The following CXorf38 variants were observed in gnomAD, a reference collection of about 807,000 sequenced individuals.
The protein encoded by CXorf38 is uncharacterized protein CXorf38.
In CXorf38, 13 loss-of-function variants were observed where a neutral mutation model predicts 27.5. The observed-to-expected ratio is 0.47, with a 90% CI of 0.31 to 0.75. The LOEUF (loss-of-function observed/expected upper bound fraction) is 0.75. Among genes scored for constraint, CXorf38 ranks in the 30% least tolerant of loss-of-function variants. The pLI is 0.05. For missense variants in CXorf38, 240 were observed against 253.2 expected, an observed-to-expected ratio of 0.95 and a Z score of 0.35; for synonymous variants, 100 against 99.8, an observed-to-expected ratio of 1.00 and a Z score of -0.01.
chrX:40,644,845 A>G (rs1928502910), intron 2 of CXorf38, among the ~76,000 whole-genome samples: 1 of 112,003 alleles, frequency 8.9e-6, no homozygotes, highest in South Asian at 3.7e-4. Context: ...AGTAGTCTCC[A>G]GAAACTGAAG....
chrX:40,637,768 G>T (rs1051321342), intron 3 of CXorf38, among the ~76,000 whole-genome samples: 2 of 112,176 alleles, frequency 1.8e-5, no homozygotes, highest in Non-Finnish European at 3.8e-5. Flanking sequence ...TGGCTCCTGG[G>T]CAACAATTCG....
chrX:40,633,297 C>T (rs1308225740), intron 5 of CXorf38, among the ~76,000 whole-genome samples: 1 of 110,706 alleles, frequency 9.0e-6, no homozygotes, highest in Admixed American at 9.6e-5. Flanking sequence ...GACCTCTTCA[C>T]CCACTATTCT....
intron 1 of CXorf38, 74 bp downstream of exon 1, chrX:40,647,225 CGCTCTG>C (rs1230752741): frequency 8.8e-7 from 1 of 1,136,574 alleles, no homozygotes; most frequent in Non-Finnish European, 1.2e-6. Context: ...AGGACACTTG[CGCTCTG>C]GGTCTGGGAC....
chrX:40,630,621 C>T lies in CXorf38; in HGVS notation c.954G>A (p.Lys318=). The part of the protein sequence containing the change: ...QEPGRQTPDR[K]A Reference sequence around the variant, plus strand: ...TCATCTGCCTGAACTCACCTCAGGCCTTCCTGTCAGGTGTTTGTCTCCCAG... The same window carrying T: ...TCATCTGCCTGAACTCACCTCAGGCTTTCCTGTCAGGTGTTTGTCTCCCAG... Residue 318 remains lysine (K), a synonymous_variant, in exon 6 of 7, where the codon AAG becomes AAA. Transcript: ENST00000327877. 1 of 1,208,791 alleles carries T rather than the reference C, an allele frequency of 8.3e-7. No individual in the cohort carries two copies. The highest frequency in any genetic ancestry group is 1.1e-6 in the Non-Finnish European group (1 of 893,957).
rs774103602 is a variant in CXorf38 at position 40,637,238 on chromosome X, T to C, written c.472-82A>G. 9.6e-5 allele frequency: 66 copies of C among 685,604 alleles called. 1 individual carries two copies. In the African/African-American group the frequency reaches 1.1e-3, roughly 11 times the overall value. 56.5% of individuals were successfully genotyped at this position (685,604 alleles called of 1,213,427 possible). ...ATCTTTCACTCCAAAGAAAAAATCA[T>C]AGAGAGGCTTTGTTAATTATAAAAT... On this transcript the variant is annotated intron_variant, in intron 3 of 6. Transcript: ENST00000327877.
At chrX:40,645,099 G>A (rs1315270399) in intron 2 of CXorf38, among the ~76,000 whole-genome samples, 1 of 112,147 alleles carries the variant, frequency 8.9e-6, no homozygotes, top group East Asian at 2.8e-4. Context: ...CAGGAGGACA[G>A]AGGGTGCTGG....
chrX:40,633,323 C>G (rs2146569835), intron 5 of CXorf38, among the ~76,000 whole-genome samples: 1 of 110,613 alleles, frequency 9.0e-6, no homozygotes, highest in South Asian at 3.8e-4. Flanking sequence ...GTCCTCTTCC[C>G]CTAGATACAC....
At chrX:40,631,898 G>A (rs1231163622) in intron 5 of CXorf38, among the ~76,000 whole-genome samples, 1 of 111,521 alleles carries the variant, frequency 9.0e-6, no homozygotes, top group East Asian at 2.8e-4. Flanking sequence ...ACAGGGAGGA[G>A]CTGCAGATGA....
intron 2 of CXorf38, among the ~76,000 whole-genome samples, chrX:40,640,957 A>G (rs1220776949): frequency 9.2e-6 from 1 of 108,600 alleles, no homozygotes; most frequent in African/African-American, 3.4e-5. Flanking sequence ...AAAAAAAAAA[A>G]AAGTCTATTA....
In CXorf38 at chrX:40,638,982, T is replaced by A. The variant is rs192461538; in HGVS notation, c.471+27A>T. On this transcript the variant is annotated intron_variant, in intron 3 of 6. Coordinates refer to ENST00000327877, the MANE Select transcript of CXorf38 (RefSeq NM_144970.3). ...CAGCACAGACCCAACTGACTCAGGG[T>A]ATGCTTTTGAATCTGACAGCTCTTA... The A allele has an allele frequency of 4.0e-3, 4,875 of 1,204,211 alleles. 3 individuals carry two copies. Among genetic ancestry groups the A allele is most frequent in the Non-Finnish European group, 4.9e-3 (4,376 of 891,925 alleles).
chrX:40,637,578 C>G (rs1928133722), intron 3 of CXorf38, among the ~76,000 whole-genome samples: 1 of 112,279 alleles, frequency 8.9e-6, no homozygotes, highest in Admixed American at 9.4e-5. Context: ...CTACTTAACA[C>G]GTGGCTTGTT....
At chrX:40,630,524 G>T in intron 6 of CXorf38, 90 bp downstream of exon 6, 2 of 873,240 alleles carry the variant, frequency 2.3e-6, no homozygotes, top group Non-Finnish European at 1.6e-6. Flanking sequence ...AGATTGTTGT[G>T]TGTTCATGAT....
chrX:40,646,762 T>C (rs1485469116), intron 2 of CXorf38, among the ~76,000 whole-genome samples: 3 of 111,063 alleles, frequency 2.7e-5, no homozygotes, highest in African/African-American at 9.8e-5. Flanking sequence ...TAGAACTCTT[T>C]CCTGTAACTT....
rs967939741 is a variant in CXorf38, at chrX:40,647,387, C to T, written c.134G>A (p.Arg45His). 2.5e-6 allele frequency: 3 copies of T among 1,178,585 alleles called. No homozygotes were observed. Among genetic ancestry groups the T allele is most frequent in the Admixed American group, 2.4e-5 (1 of 42,500 alleles). Residue 45 changes from arginine (R) to histidine (H), a missense_variant, in exon 1 of 7, where the codon CGC becomes CAC. Physicochemically the swap from Arg to His is conservative, Grantham distance 29. Coordinates refer to ENST00000327877, the MANE Select transcript of CXorf38 (RefSeq NM_144970.3). ...GCCGGGGGCTGCGGCGAGTAGGCCG[C>T]GGTGGAAGGAGAGCACCTCGCGGCC... ...FVGREVLSFH[R>H]GLLAAAPGLG...
At chrX:40,645,474 T>C (rs1569273232) in intron 2 of CXorf38, among the ~76,000 whole-genome samples, 1 of 109,676 alleles carries the variant, frequency 9.1e-6, no homozygotes, top group Admixed American at 9.6e-5. Context: ...AAGGGCAGAG[T>C]TTTCTTTCTT....
intron 2 of CXorf38, 79 bp downstream of exon 2, chrX:40,646,928 C>T: frequency 9.2e-7 from 1 of 1,081,490 alleles, no homozygotes; most frequent in Non-Finnish European, 1.2e-6. Context: ...GAGGCCCCGG[C>T]GACCACAAGA....
chrX:40,633,677 T>C (rs1927931471), intron 5 of CXorf38, among the ~76,000 whole-genome samples: 1 of 112,114 alleles, frequency 8.9e-6, no homozygotes, highest in Admixed American at 9.4e-5. Flanking sequence ...CCAATGGCCT[T>C]GAGTACACAC....
rs1325476213 is a variant in CXorf38 at position 40,647,448 on chromosome X, G to A, written c.73C>T (p.Leu25=). The change falls in exon 1 of 7, where the codon CTG becomes TTG. Residue 25 remains leucine (L), a synonymous_variant. Transcript: ENST00000327877. ...YKNWVKAGHC[L]LLLRSCLQGF... Reference sequence around the variant, plus strand: ...TGCAGGCAGCTGCGCAGCAGTAACAGGCAGTGGCCCGCCTTCACCCAGTTC... The same window carrying A: ...TGCAGGCAGCTGCGCAGCAGTAACAAGCAGTGGCCCGCCTTCACCCAGTTC... 7 of 1,195,056 alleles carry A rather than the reference G, an allele frequency of 5.9e-6. No individual in the cohort carries two copies. The highest frequency in any genetic ancestry group is 7.9e-6 in the Non-Finnish European group (7 of 889,944).
chrX:40,640,500 G>A (rs780536914), intron 2 of CXorf38, among the ~76,000 whole-genome samples: 1 of 111,057 alleles, frequency 9.0e-6, no homozygotes, highest in Non-Finnish European at 1.9e-5. Flanking sequence ...GGAGAGTCAG[G>A]GCTATGCTCC....
Sources: gnomAD v4.1 joint callset for allele counts (sites outside exome capture counted in the v4.1 genomes callset) on GRCh38, gnomAD v4.1.1 for gene constraint, MANE v1.5 for transcripts, NCBI Gene and HGNC (gene_info 2026-07-23, HGNC 2026-07-21) for gene names.